The following SENP2 variants were observed in gnomAD, a reference collection of about 807,000 sequenced individuals.
The protein encoded by SENP2 is sentrin-specific protease 2.
SENP2 carries 16 observed loss-of-function variants against 86.3 expected under a neutral mutation model. That is an observed-to-expected ratio of 0.19 (90% CI 0.13 to 0.28). The LOEUF (loss-of-function observed/expected upper bound fraction) is 0.28. Ranked by LOEUF, SENP2 falls within the 10% of genes least tolerant of loss-of-function variation. The pLI, the probability that SENP2 is intolerant of heterozygous loss-of-function variation, is 1.00. For synonymous variants in SENP2, 222 were observed against 238.7 expected (o/e 0.93, Z 0.64); for missense variants, 552 against 703.0 (o/e 0.79, Z 2.43).
At chr3:185,613,988 A>C (rs1331295949) in intron 10 of SENP2, among the ~76,000 whole-genome samples, 1 of 152,112 alleles carries the variant, frequency 6.6e-6, no homozygotes, top group Non-Finnish European at 1.5e-5. Flanking sequence ...ATGGCTTCTT[A>C]GGGAGAATTT....
At chr3:185,605,160 A>T (rs1722471152) in intron 5 of SENP2, among the ~76,000 whole-genome samples, 2 of 150,692 alleles carry the variant, frequency 1.3e-5, no homozygotes, top group Non-Finnish European at 3.0e-5. Context: ...ACCTGAGGTC[A>T]GGAGTTTGAG....
chr3:185,588,311 C>T (rs1421548450), intron 1 of SENP2, among the ~76,000 whole-genome samples: 1 of 152,024 alleles, frequency 6.6e-6, no homozygotes, highest in Non-Finnish European at 1.5e-5. Context: ...TCCCAGAGTG[C>T]TGGGATTACA....
intron 15 of SENP2, 35 bp downstream of exon 15, chr3:185,624,117 T>C (rs1263571524): frequency 7.0e-7 from 1 of 1,435,064 alleles, no homozygotes; most frequent in East Asian, 2.3e-5. Flanking sequence ...ACATACTTGG[T>C]TGCATTTACT....
intron 1 of SENP2, 25 bp from the exon 2 acceptor site, chr3:185,590,088 TA>T (rs1721925197): frequency 1.2e-5 from 15 of 1,302,110 alleles, no homozygotes; most frequent in East Asian, 5.0e-5. Context: ...TCTATATATA[TA>T]TATTTTTTTC....
chr3:185,622,475 T>C (rs935872010), intron 14 of SENP2, among the ~76,000 whole-genome samples: 1 of 152,218 alleles, frequency 6.6e-6, no homozygotes, highest in Non-Finnish European at 1.5e-5. Context: ...AGTTCCTTCT[T>C]TTAACTTTAC....
intron 8 of SENP2, chr3:185,612,401 A>G (rs6783023): frequency 0.26 from 122,708 of 479,920 alleles, 17,231 homozygotes; most frequent in African/African-American, 0.39. Context: ...CTCAGTTTAT[A>G]GTAAAGATTA....
At chr3:185,617,758 A>G in intron 12 of SENP2, 147 bp downstream of exon 12, 1 of 680,536 alleles carries the variant, frequency 1.5e-6, no homozygotes, top group Non-Finnish European at 2.3e-6. Context: ...TCTTAAAAAG[A>G]TGGTTAGTTC....
At chr3:185,622,761 A>T (rs529047344) in intron 14 of SENP2, among the ~76,000 whole-genome samples, 1 of 147,248 alleles carries the variant, frequency 6.8e-6, no homozygotes, top group Non-Finnish European at 1.5e-5. Flanking sequence ...CATACAGTAT[A>T]GTTTGATGTG....
intron 13 of SENP2, among the ~76,000 whole-genome samples, chr3:185,621,459 G>A (rs1226744895): frequency 1.5e-5 from 2 of 131,620 alleles, no homozygotes; most frequent in African/African-American, 5.7e-5. Flanking sequence ...ACACAATCTC[G>A]GCTCACTGCA....
At chr3:185,604,568 G>C (rs1722449787) in intron 5 of SENP2, among the ~76,000 whole-genome samples, 1 of 152,044 alleles carries the variant, frequency 6.6e-6, no homozygotes, top group South Asian at 2.1e-4. Context: ...GCTAGTCTTT[G>C]CTCCATGTTT....
chr3:185,621,872 G>C lies in SENP2; in HGVS notation c.1493G>C (p.Gly498Ala). 6.2e-7 allele frequency: 1 copy of C among 1,612,266 alleles called. No individual in the cohort carries two copies. Among genetic ancestry groups the C allele is most frequent in the African/African-American group, 1.3e-5 (1 of 74,972 alleles). Reference sequence around the variant, plus strand: ...TGTCTTAAATATCTGGATTCTATGGGACAAAAGGGCCACAGGATCTGTGAG... The same window carrying C: ...TGTCTTAAATATCTGGATTCTATGGCACAAAAGGGCCACAGGATCTGTGAG... Reference protein sequence around the residue: ...KKCLKYLDSMGQKGHRICEIL... With the variant: ...KKCLKYLDSMAQKGHRICEIL... Residue 498 changes from glycine to alanine, a missense_variant, in exon 14 of 17, where the codon GGA becomes GCA. Gly to Ala is a moderately conservative substitution (Grantham distance 60). This residue lies in a region of SENP2 where 169 missense variants were observed against 275.7 expected (regional missense o/e 0.61). Coordinates refer to ENST00000296257, the MANE Select transcript of SENP2 (RefSeq NM_021627.3).
chr3:185,605,303 G>A (rs1173145160), intron 5 of SENP2, among the ~76,000 whole-genome samples: 1 of 151,668 alleles, frequency 6.6e-6, no homozygotes, highest in South Asian at 2.1e-4. Context: ...CCTGGGAGGT[G>A]GAGGTTGCAG....
Position 185,617,422 on chromosome 3 carries a change from A to T in SENP2, c.1111-58A>T, listed in dbSNP as rs866501375. On this transcript the variant is annotated intron_variant, in intron 11 of 16. Coordinates refer to ENST00000296257, the MANE Select transcript of SENP2 (RefSeq NM_021627.3). ...ACTTTTTTCAGTCTCGGAGTTTTCA[A>T]TAACTGATAATGAATGGTTCTATAT... 3.1e-5 allele frequency: 45 copies of T among 1,474,684 alleles called. No homozygotes were observed. The Middle Eastern group carries it at 4.7e-3, about 153-fold the overall frequency. 91.3% of individuals were successfully genotyped at this position (1,474,684 alleles called of 1,614,324 possible).
rs559749335 is a variant in SENP2 at position 185,596,519 on chromosome 3, A to G, written c.158-1893A>G. On this transcript the variant is annotated intron_variant, in intron 2 of 16. Transcript: ENST00000296257. ...GCCTGTGATCCCAGCTACTCAGGAG[A>G]CTGAGGTAGGAGGATCACTTGAGCC... Among the ~76,000 whole-genome samples, 4 of 151,704 alleles carry G rather than the reference A, an allele frequency of 2.6e-5. No homozygotes were observed. In the East Asian group the frequency reaches 7.8e-4, roughly 30 times the overall value.
At chr3:185,628,929 T>G (rs1232777678) in intron 16 of SENP2, among the ~76,000 whole-genome samples, 1 of 152,198 alleles carries the variant, frequency 6.6e-6, no homozygotes, top group Non-Finnish European at 1.5e-5. Flanking sequence ...GCAGAATCAT[T>G]TATTAAGCAA....
At chr3:185,592,159 G>A (rs1020908127) in intron 2 of SENP2, among the ~76,000 whole-genome samples, 1 of 151,046 alleles carries the variant, frequency 6.6e-6, no homozygotes, top group Non-Finnish European at 1.5e-5. Flanking sequence ...GCTCACTGCA[G>A]TCTCAAACTC....
At chr3:185,605,824 C>T (rs904209691) in intron 5 of SENP2, among the ~76,000 whole-genome samples, 7 of 152,070 alleles carry the variant, frequency 4.6e-5, no homozygotes, top group Admixed American at 3.3e-4. Flanking sequence ...GGCTTCAGTT[C>T]CTTTAGTGTT....
At chr3:185,610,952 C>T (rs188689024) in intron 7 of SENP2, among the ~76,000 whole-genome samples, 4 of 151,874 alleles carry the variant, frequency 2.6e-5, no homozygotes, top group African/African-American at 7.3e-5. Context: ...ATCGAGACTC[C>T]GTCTCAAAAT....
intron 2 of SENP2, among the ~76,000 whole-genome samples, chr3:185,597,206 C>T (rs1041986965): frequency 1.3e-5 from 2 of 151,810 alleles, no homozygotes; most frequent in African/African-American, 4.8e-5. Context: ...CATTTCAGAA[C>T]ATTTTGAGTG....
Sources: allele counts gnomAD v4.1 joint callset (sites outside exome capture counted in the v4.1 genomes callset), GRCh38; gene constraint gnomAD v4.1.1; regional missense constraint gnomAD v4.1.1; transcripts MANE v1.5; gene names NCBI Gene and HGNC (gene_info 2026-07-23, HGNC 2026-07-21).